The following ADAM28 variants were observed in gnomAD, a reference collection of about 807,000 sequenced individuals.
ADAM28 encodes the protein disintegrin and metalloproteinase domain-containing protein 28.
In ADAM28, 105 loss-of-function variants were observed where a neutral mutation model predicts 101.2. That is an observed-to-expected ratio of 1.04 (90% CI 0.89 to 1.22). The LOEUF is 1.22. ADAM28 is among the 50% of genes most tolerant of loss of function. The pLI is 0.00. For synonymous variants in ADAM28, 322 were observed against 310.6 expected (o/e 1.04, Z -0.39); for missense variants, 1,028 against 945.4 (o/e 1.09, Z -1.15).
chr8:24,330,317 G>A (rs534171202), intron 11 of ADAM28, among the ~76,000 whole-genome samples: 1 of 152,146 alleles, frequency 6.6e-6, no homozygotes, highest in South Asian at 2.1e-4. Flanking sequence ...TTGCTGATGG[G>A]GCAATTCATC....
intron 19 of ADAM28, 21 bp from the exon 20 acceptor site, chr8:24,351,211 T>C: frequency 2.6e-6 from 4 of 1,527,192 alleles, no homozygotes; most frequent in South Asian, 1.3e-5. Flanking sequence ...TCAATTGATA[T>C]CATGTGTTTC....
In ADAM28 at chr8:24,294,166, T is replaced by C. The variant is rs1807646786; in HGVS notation, c.17T>C (p.Leu6Pro). 1 of 1,614,186 alleles carries C rather than the reference T, an allele frequency of 6.2e-7. No homozygotes were observed. Among genetic ancestry groups the C allele is most frequent in the Non-Finnish European group, 8.5e-7 (1 of 1,180,002 alleles). Reference protein sequence around the residue: MLQGLLPVSLLLSVAV... With the variant: MLQGLPPVSLLLSVAV... ...TCACCCAGCATGTTGCAAGGTCTCC[T>C]GCCAGTCAGTCTCCTCCTCTCTGTT... The change falls in exon 1 of 23, where the codon CTG becomes CCG. Residue 6 changes from leucine to proline, a missense_variant. By Grantham distance (98) the Leu-to-Pro change is moderately conservative. Coordinates refer to ENST00000265769, the MANE Select transcript of ADAM28 (RefSeq NM_014265.6).
intron 2 of ADAM28, among the ~76,000 whole-genome samples, chr8:24,308,109 CTA>C (rs1161657659): frequency 6.6e-6 from 1 of 152,158 alleles, no homozygotes; most frequent in African/African-American, 2.4e-5. Context: ...AAATTTGGAT[CTA>C]TATGTTTCTG....
At chr8:24,336,580 C>CAAAAAAAAAAAA (rs769016133) in intron 14 of ADAM28, among the ~76,000 whole-genome samples, 16 of 61,562 alleles carry the variant, frequency 2.6e-4, no homozygotes, top group Non-Finnish European at 4.4e-4. Flanking sequence ...ACTCCGTCTC[C>CAAAAAAAAAAAA]AAAAAAAAAA....
chr8:24,323,981 CATG>C lies in ADAM28; in HGVS notation c.871_873del (p.Asp291del). The C allele has an allele frequency of 6.2e-7, 1 of 1,611,874 alleles. No homozygotes were observed. The highest frequency in any genetic ancestry group is 8.5e-7 in the Non-Finnish European group (1 of 1,178,632). ...GAGTGTTCTCTCAAGAAGAAAGCGT[CATG>C]ATATTGCTCAGTTAATCACGTATGT... On this transcript the variant is annotated inframe_deletion, in exon 9 of 23. Transcript: ENST00000265769.
intron 9 of ADAM28, among the ~76,000 whole-genome samples, chr8:24,324,817 C>G (rs558907205): frequency 6.6e-6 from 1 of 152,032 alleles, no homozygotes; most frequent in African/African-American, 2.4e-5. Context: ...TTCAATATGG[C>G]TATCTTAGAG....
intron 7 of ADAM28, 69 bp from the exon 8 acceptor site, chr8:24,321,149 T>C (rs947401342): frequency 3.4e-6 from 3 of 871,342 alleles, no homozygotes; most frequent in Non-Finnish European, 5.7e-6. Flanking sequence ...TAAGAGAAGA[T>C]GCCTTTTTAA....
intron 4 of ADAM28, 56 bp from the exon 5 acceptor site, chr8:24,311,305 A>C: frequency 7.2e-7 from 1 of 1,394,808 alleles, no homozygotes; most frequent in Non-Finnish European, 1.0e-6. Flanking sequence ...ATGCGGCTTT[A>C]GCAGCGGTGC....
intron 14 of ADAM28, among the ~76,000 whole-genome samples, chr8:24,337,203 C>T (rs1436589336): frequency 3.3e-5 from 5 of 152,216 alleles, no homozygotes; most frequent in African/African-American, 4.8e-5. Flanking sequence ...TATCCTGGAA[C>T]CAGGCCTCAG....
In ADAM28 at chr8:24,343,558, A is replaced by G. The variant is rs1585718234; in HGVS notation, c.1964A>G (p.Asp655Gly). 3 of 1,613,762 alleles carry G rather than the reference A, an allele frequency of 1.9e-6. No individual in the cohort carries two copies. Among genetic ancestry groups the G allele is most frequent in the Non-Finnish European group, 2.5e-6 (3 of 1,179,802 alleles). Residue 655 changes from aspartate (D) to glycine (G), a missense_variant, in exon 18 of 23, where the codon GAC becomes GGC. Transcript: ENST00000265769. ...CQCEEGWIPP[D>G]CDDSSVVFHF... is the part of the protein sequence containing the mutation. ...TGTGAGGAAGGATGGATCCCTCCCGACTGCGATGACTCCTCAGTGGTCTTC... is the reference window on the plus strand; with the variant it reads ...TGTGAGGAAGGATGGATCCCTCCCGGCTGCGATGACTCCTCAGTGGTCTTC...
At chr8:24,310,070 C>A in intron 3 of ADAM28, 93 bp from the exon 4 acceptor site, 1 of 1,503,834 alleles carries the variant, frequency 6.6e-7, no homozygotes, top group Non-Finnish European at 9.2e-7. Flanking sequence ...CAAACCTGGA[C>A]TAATCAGCGT....
intron 14 of ADAM28, chr8:24,336,039 G>GGT (rs71212527): frequency 0.088 from 65,983 of 746,692 alleles, 772 homozygotes; most frequent in Non-Finnish European, 0.097. Context: ...TGTGTGTGCG[G>GGT]GTGTGTGTGT....
chr8:24,351,755 G>A (rs189986882), intron 20 of ADAM28, among the ~76,000 whole-genome samples: 9 of 130,018 alleles, frequency 6.9e-5, no homozygotes, highest in South Asian at 5.0e-4. Context: ...TAATAACATT[G>A]GTAATCATTT....
intron 15 of ADAM28, among the ~76,000 whole-genome samples, chr8:24,340,693 C>T (rs755612252): frequency 3.9e-5 from 6 of 152,120 alleles, no homozygotes; most frequent in Non-Finnish European, 8.8e-5. Context: ...TGCCCTAAAC[C>T]ATCCTTTATC....
At chr8:24,328,365 T>C (rs1430380196) in intron 10 of ADAM28, among the ~76,000 whole-genome samples, 1 of 151,914 alleles carries the variant, frequency 6.6e-6, no homozygotes, top group Non-Finnish European at 1.5e-5. Context: ...TAATGTTCTT[T>C]CCAGCTTTCT....
At chr8:24,329,309 T>C (rs1813035163) in intron 10 of ADAM28, among the ~76,000 whole-genome samples, 1 of 152,150 alleles carries the variant, frequency 6.6e-6, no homozygotes, top group Non-Finnish European at 1.5e-5. Context: ...GAATCAGACT[T>C]CTGTAGGTGG....
intron 21 of ADAM28, among the ~76,000 whole-genome samples, chr8:24,353,460 G>A (rs1405192711): frequency 1.3e-5 from 2 of 151,934 alleles, no homozygotes; most frequent in African/African-American, 4.8e-5. Flanking sequence ...CACATTTTTA[G>A]TGAGAAAAAA....
At chr8:24,313,841 TCCACCTC>T (rs1180897585) in intron 6 of ADAM28, among the ~76,000 whole-genome samples, 8 of 151,960 alleles carry the variant, frequency 5.3e-5, no homozygotes, top group South Asian at 2.1e-4. Flanking sequence ...CATCACATCT[TCCACCTC>T]CCAGGTTTGA....
In ADAM28 at chr8:24,313,536, C is replaced by T. The variant is rs200915049; in HGVS notation, c.532C>T (p.His178Tyr). Residue 178 changes from histidine (H) to tyrosine (Y), a missense_variant, in exon 6 of 23, where the codon CAC (histidine) becomes TAC (tyrosine). Coordinates refer to ENST00000265769, the MANE Select transcript of ADAM28 (RefSeq NM_014265.6). ...TCGMDGVLWA[H>Y]DLQQNIALPA... is the part of the protein sequence containing the mutation. ...TGGGATGGATGGTGTGTTGTGGGCC[C>T]ACGATTTGCAGCAGAACATTGCCCT... The T allele has an allele frequency of 4.8e-5, 78 of 1,613,614 alleles. No homozygotes were observed. Among genetic ancestry groups the T allele is most frequent in the South Asian group, 1.1e-5 (1 of 91,056 alleles).
Sources: gnomAD v4.1 joint callset for allele counts (sites outside exome capture counted in the v4.1 genomes callset) on GRCh38, gnomAD v4.1.1 for gene constraint, MANE v1.5 for transcripts, NCBI Gene and HGNC (gene_info 2026-07-23, HGNC 2026-07-21) for gene names.